TLN2: variants seen among roughly 807,000 people sequenced by gnomAD.
TLN2 encodes the protein talin 2.
In TLN2, 118 loss-of-function variants were observed where a neutral mutation model predicts 294.7. The ratio of observed to expected loss-of-function variants is 0.40; its 90% CI spans 0.34 to 0.47. The LOEUF (loss-of-function observed/expected upper bound fraction) is 0.47. Ranked by LOEUF, TLN2 falls within the 20% of genes least tolerant of loss-of-function variation. The pLI, the probability that TLN2 is intolerant of heterozygous loss-of-function variation, is 0.84. For missense variants in TLN2, 3,083 were observed against 3,282.2 expected (o/e 0.94, Z 1.48); for synonymous variants, 1,431 against 1,304.5 (o/e 1.10, Z -2.09).
chr15:62,757,119 C>G (rs970422882), intron 37 of TLN2, among the ~76,000 whole-genome samples: 9 of 152,334 alleles, frequency 5.9e-5, no homozygotes, highest in Non-Finnish European at 1.2e-4. Flanking sequence ...TACAACCACC[C>G]TGTGCTTATC....
chr15:62,412,744 A>G (rs1231927890), intron 1 of TLN2, among the ~76,000 whole-genome samples: 1 of 152,216 alleles, frequency 6.6e-6, no homozygotes, highest in Non-Finnish European at 1.5e-5. Context: ...ATGCTCCCCT[A>G]GACTCTTAAA....
intron 1 of TLN2, among the ~76,000 whole-genome samples, chr15:62,522,355 A>G (rs2040503390): frequency 6.6e-6 from 1 of 152,186 alleles, no homozygotes; most frequent in African/African-American, 2.4e-5. Context: ...CAAACTGTAC[A>G]GTTCGTTGGT....
intron 54 of TLN2, chr15:62,829,994 C>A (rs1459176328): frequency 2.0e-5 from 3 of 152,172 alleles, no homozygotes; most frequent in Non-Finnish European, 4.4e-5. Context: ...TGGCTAAAGA[C>A]TATCAATTTA....
At chr15:62,689,843 C>CTCCTTT (rs2057625352) in intron 12 of TLN2, among the ~76,000 whole-genome samples, 2 of 16,972 alleles carry the variant, frequency 1.2e-4, no homozygotes, top group African/African-American at 2.1e-4. Flanking sequence ...TTGGTATGGG[C>CTCCTTT]TTCTTTTTTT....
At position 62,771,333 on chromosome 15, in the gene TLN2, T is replaced by C. The variant is rs567525424; in HGVS notation, c.5367+199T>C. Among the ~76,000 whole-genome samples the C allele has an allele frequency of 5.3e-5, 8 of 152,350 alleles. No individual in the cohort carries two copies. The East Asian group carries it at 1.3e-3, about 26-fold the overall frequency. ...ATGAAGAAATATACATAAAAGTTAT[T>C]TTTTTCTTGACAGAATGTGTAGACA... On this transcript the variant is annotated intron_variant, in intron 42 of 58. Coordinates refer to ENST00000636159, the MANE Select transcript of TLN2 (RefSeq NM_015059.3).
At chr15:62,787,215 C>G (rs2064736046) in intron 45 of TLN2, among the ~76,000 whole-genome samples, 1 of 152,164 alleles carries the variant, frequency 6.6e-6, no homozygotes, top group Non-Finnish European at 1.5e-5. Flanking sequence ...TCCATGTTTT[C>G]TATCTTTGTC....
intron 1 of TLN2, among the ~76,000 whole-genome samples, chr15:62,494,907 C>T (rs952588326): frequency 2.0e-5 from 3 of 152,136 alleles, no homozygotes; most frequent in Admixed American, 6.5e-5. Context: ...GCAGATGCTG[C>T]CCGCTCCCCA....
intron 21 of TLN2, among the ~76,000 whole-genome samples, chr15:62,711,006 G>A (rs567783765): frequency 3.3e-5 from 5 of 152,060 alleles, no homozygotes; most frequent in African/African-American, 1.2e-4. Flanking sequence ...GATTACAGGC[G>A]TGAGCCACCG....
intron 1 of TLN2, among the ~76,000 whole-genome samples, chr15:62,540,168 C>T (rs920666908): frequency 1.3e-5 from 2 of 151,706 alleles, no homozygotes; most frequent in Admixed American, 6.6e-5. Flanking sequence ...GGTGAAACCC[C>T]GTCTCTACTA....
chr15:62,594,513 C>T (rs1456791370), intron 2 of TLN2, among the ~76,000 whole-genome samples: 1 of 152,144 alleles, frequency 6.6e-6, no homozygotes, highest in Non-Finnish European at 1.5e-5. Context: ...ATCTCACCCA[C>T]CTCAATTGAT....
chr15:62,661,127 A>C (rs987305343), intron 9 of TLN2, among the ~76,000 whole-genome samples: 12 of 152,216 alleles, frequency 7.9e-5, no homozygotes, highest in African/African-American at 2.2e-4. Flanking sequence ...CTTTAAAAAC[A>C]CTGTGGATAA....
At chr15:62,622,407 G>A (rs189529497) in intron 3 of TLN2, among the ~76,000 whole-genome samples, 2 of 152,276 alleles carry the variant, frequency 1.3e-5, no homozygotes, top group African/African-American at 4.8e-5. Context: ...TTCCAGACAA[G>A]TGGGGGAATA....
rs376072957 is a variant in TLN2 at position 62,418,619 on chromosome 15, G to A, written c.-238+27934G>A. 4.3e-4 allele frequency among the ~76,000 whole-genome samples: 65 copies of A among 152,322 alleles called. 1 individual carries two copies. The highest frequency in any genetic ancestry group is 1.5e-3 in the African/African-American group (63 of 41,560). ...GCAACAAGGCTGTTTATTTCACCTGGGTGCAGGTGGGATGAGTCAGAAAAG... is the reference window on the plus strand; with the variant it reads ...GCAACAAGGCTGTTTATTTCACCTGAGTGCAGGTGGGATGAGTCAGAAAAG... On this transcript the variant is annotated intron_variant, in intron 1 of 58. Transcript: ENST00000636159.
chr15:62,410,751 G>A (rs1595744727), intron 1 of TLN2, among the ~76,000 whole-genome samples: 1 of 152,164 alleles, frequency 6.6e-6, no homozygotes, highest in African/African-American at 2.4e-5. Context: ...GAGGTTTGGG[G>A]GATGAATTAA....
chr15:62,743,426 A>G (rs374562742), intron 32 of TLN2, among the ~76,000 whole-genome samples: 10 of 151,422 alleles, frequency 6.6e-5, no homozygotes, highest in East Asian at 1.9e-4. Flanking sequence ...AAAGTAGAGG[A>G]TGTCTTTTTC....
intron 1 of TLN2, among the ~76,000 whole-genome samples, chr15:62,491,078 G>A (rs1047572292): frequency 6.6e-6 from 1 of 151,988 alleles, no homozygotes; most frequent in Non-Finnish European, 1.5e-5. Context: ...TCCCAGCACT[G>A]TGGGAGGCCG....
intron 1 of TLN2, among the ~76,000 whole-genome samples, chr15:62,468,315 G>T (rs1158042056): frequency 2.0e-5 from 3 of 152,140 alleles, no homozygotes; most frequent in Admixed American, 2.0e-4. Context: ...GATGACAAGG[G>T]TGTTGGCTGT....
intron 9 of TLN2, among the ~76,000 whole-genome samples, chr15:62,660,751 C>G (rs572524417): frequency 6.6e-6 from 1 of 152,262 alleles, no homozygotes; most frequent in Admixed American, 6.5e-5. Context: ...TGAGAACTTG[C>G]AGATGTGTTT....
intron 52 of TLN2, among the ~76,000 whole-genome samples, chr15:62,814,087 C>T (rs1031643880): frequency 6.6e-6 from 1 of 152,084 alleles, no homozygotes; most frequent in African/African-American, 2.4e-5. Context: ...GGATTATAGG[C>T]ATGAGCCACC....
Sources: allele counts gnomAD v4.1 joint callset (sites outside exome capture counted in the v4.1 genomes callset), GRCh38; gene constraint gnomAD v4.1.1; transcripts MANE v1.5; gene names NCBI Gene and HGNC (gene_info 2026-07-23, HGNC 2026-07-21).